The following KLHDC1 variants were observed in gnomAD, a reference collection of about 807,000 sequenced individuals.
The protein encoded by KLHDC1 is kelch domain-containing protein 1.
A neutral mutation model predicts 68.3 loss-of-function variants in KLHDC1; 53 were observed. The observed-to-expected ratio is 0.78, with a 90% confidence interval of 0.62 to 0.98. The LOEUF (loss-of-function observed/expected upper bound fraction) is 0.98, where lower values mean the gene tolerates loss of function less well. Among genes scored for constraint, KLHDC1 ranks in the 50% least tolerant of loss-of-function variants. The pLI is 0.00. For synonymous variants in KLHDC1, 148 were observed against 159.0 expected, an observed-to-expected ratio of 0.93 and a Z score of 0.52; for missense variants, 470 against 492.3, an observed-to-expected ratio of 0.95 and a Z score of 0.43.
At chr14:49,722,541 G>A (rs1225058270) in intron 4 of KLHDC1, among the ~76,000 whole-genome samples, 1 of 152,198 alleles carries the variant, frequency 6.6e-6, no homozygotes, top group Non-Finnish European at 1.5e-5. Context: ...TTGATTCCAA[G>A]TCTTTGAGGC....
At chr14:49,700,998 G>A (rs1488948279) in intron 1 of KLHDC1, among the ~76,000 whole-genome samples, 2 of 152,006 alleles carry the variant, frequency 1.3e-5, no homozygotes, top group Admixed American at 6.6e-5. Flanking sequence ...CAGGAGAATT[G>A]CTAGAACTTG....
chr14:49,739,888 C>CAG (rs890781811), intron 10 of KLHDC1, among the ~76,000 whole-genome samples: 9 of 152,086 alleles, frequency 5.9e-5, no homozygotes, highest in African/African-American at 2.2e-4. Flanking sequence ...AAACAAAAAA[C>CAG]AGAGAGAGAG....
chr14:49,714,133 C>T (rs1282893256), intron 4 of KLHDC1, among the ~76,000 whole-genome samples: 1 of 150,822 alleles, frequency 6.6e-6, no homozygotes, highest in Non-Finnish European at 1.5e-5. Flanking sequence ...AGATGTAAGA[C>T]ACTGTGCTCA....
chr14:49,736,555 A>G (rs1238864627), intron 10 of KLHDC1, among the ~76,000 whole-genome samples: 1 of 152,178 alleles, frequency 6.6e-6, no homozygotes, highest in Admixed American at 6.5e-5. Context: ...GTGTCTATAT[A>G]TATACTAATT....
chr14:49,703,374 C>T (rs906227887), intron 1 of KLHDC1, among the ~76,000 whole-genome samples: 52 of 150,372 alleles, frequency 3.5e-4, no homozygotes, highest in African/African-American at 1.2e-3. Context: ...CAGAGTTTCG[C>T]TCCTGTTGCC....
chr14:49,723,018 C>T (rs767095895), intron 4 of KLHDC1, among the ~76,000 whole-genome samples: 5 of 127,340 alleles, frequency 3.9e-5, no homozygotes, highest in East Asian at 2.6e-4. Flanking sequence ...ACCCGGGAGG[C>T]GGAGGTTGCC....
intron 1 of KLHDC1, among the ~76,000 whole-genome samples, chr14:49,702,661 T>A (rs1336393822): frequency 6.6e-6 from 1 of 152,188 alleles, no homozygotes; most frequent in East Asian, 1.9e-4. Flanking sequence ...TTCTCTGTTG[T>A]ATCCTCAATG....
At chr14:49,726,962 G>C (rs919332148) in intron 6 of KLHDC1, among the ~76,000 whole-genome samples, 2 of 152,052 alleles carry the variant, frequency 1.3e-5, no homozygotes, top group African/African-American at 4.8e-5. Flanking sequence ...TCTTAGAAAA[G>C]GGCTGGGCTT....
At chr14:49,727,021 G>T (rs915090103) in intron 6 of KLHDC1, among the ~76,000 whole-genome samples, 9 of 152,128 alleles carry the variant, frequency 5.9e-5, no homozygotes, top group African/African-American at 1.9e-4. Context: ...GAGGCAGGCA[G>T]ATTGCCTGAG....
At chr14:49,724,564 TACAC>T (rs202040227) in intron 5 of KLHDC1, among the ~76,000 whole-genome samples, 23 of 151,574 alleles carry the variant, frequency 1.5e-4, no homozygotes, top group Non-Finnish European at 3.2e-4. Context: ...TATATATATA[TACAC>T]ACACACACAT....
chr14:49,750,830 C>T (rs1472172748), intron 12 of KLHDC1, among the ~76,000 whole-genome samples: 1 of 152,058 alleles, frequency 6.6e-6, no homozygotes, highest in Non-Finnish European at 1.5e-5. Context: ...AAATGAACAC[C>T]CACGCCCCCA....
At chr14:49,709,274 A>G (rs759616852) in intron 2 of KLHDC1, 45 bp downstream of exon 2, 1 of 824,008 alleles carries the variant, frequency 1.2e-6, no homozygotes, top group Non-Finnish European at 2.0e-6. Flanking sequence ...AATATCTATT[A>G]TAAATGTTTC....
At chr14:49,694,572 G>T (rs546068595) in intron 1 of KLHDC1, among the ~76,000 whole-genome samples, 2 of 152,166 alleles carry the variant, frequency 1.3e-5, no homozygotes, top group African/African-American at 4.8e-5. Flanking sequence ...GTACATACCT[G>T]GCTGGGCGCG....
intron 8 of KLHDC1, among the ~76,000 whole-genome samples, chr14:49,730,352 G>C (rs548135118): frequency 4.0e-4 from 60 of 151,394 alleles, no homozygotes; most frequent in Admixed American, 1.2e-3. Context: ...CTCCGGAGTA[G>C]CTGGGACTAC....
rs1312458547 is a variant in KLHDC1, at chr14:49,698,806, G to T, written c.96+5516G>T. 4.6e-5 allele frequency among the ~76,000 whole-genome samples: 7 copies of T among 152,018 alleles called. No homozygotes were observed. In the East Asian group the frequency reaches 1.4e-3, roughly 30 times the overall value. ...GCTGGGATTTCAGGTGTGAGCCACT[G>T]TGCCTGGCCTAAATGTCTGAATTTT... On this transcript the variant is annotated intron_variant, in intron 1 of 12. Coordinates refer to ENST00000359332, the MANE Select transcript of KLHDC1 (RefSeq NM_172193.3).
At chr14:49,720,984 TTCTA>T (rs1191847156) in intron 4 of KLHDC1, among the ~76,000 whole-genome samples, 7 of 152,138 alleles carry the variant, frequency 4.6e-5, no homozygotes, top group Admixed American at 1.3e-4. Context: ...TTTTTTATGG[TTCTA>T]TCTCTTTGCT....
At chr14:49,732,681 C>G (rs1296485978) in intron 8 of KLHDC1, 23 bp from the exon 9 acceptor site, 1 of 1,208,844 alleles carries the variant, frequency 8.3e-7, no homozygotes. Context: ...AGTACCTAGA[C>G]TTTCTTTTTC....
Position 49,701,884 on chromosome 14 carries a change from AT to A in KLHDC1, c.97-7273del, listed in dbSNP as rs201961025. Reference sequence around the variant, plus strand: ...CCCCATCTCTACTAAAAATACAAAAATTAGCCGGGCGTGGTGGCTCACGCCT... The same window carrying A: ...CCCCATCTCTACTAAAAATACAAAAATAGCCGGGCGTGGTGGCTCACGCCT... On this transcript the variant is annotated intron_variant, in intron 1 of 12. Transcript: ENST00000359332. Among the ~76,000 whole-genome samples the A allele has an allele frequency of 4.8e-3, 715 of 150,312 alleles. 3 individuals carry two copies. Among genetic ancestry groups the A allele is most frequent in the African/African-American group, 0.017 (684 of 40,914 alleles).
At chr14:49,721,673 A>G (rs966339763) in intron 4 of KLHDC1, among the ~76,000 whole-genome samples, 1 of 151,928 alleles carries the variant, frequency 6.6e-6, no homozygotes. Flanking sequence ...CTTTTCCTTT[A>G]CTAGGGCCCC....
Sources: allele counts gnomAD v4.1 joint callset (sites outside exome capture counted in the v4.1 genomes callset), GRCh38; gene constraint gnomAD v4.1.1; transcripts MANE v1.5; gene names NCBI Gene and HGNC (gene_info 2026-07-23, HGNC 2026-07-21).